MYO1H: variants seen among roughly 807,000 people sequenced by gnomAD.
The protein encoded by MYO1H is myosin IH, also known as unconventional myosin-Ih.
Under a neutral mutation model 149.3 loss-of-function variants are expected in MYO1H, and 118 were observed. The ratio of observed to expected loss-of-function variants is 0.79; its 90% CI spans 0.68 to 0.92. MYO1H has a LOEUF of 0.92. Among genes scored for constraint, MYO1H ranks in the 40% least tolerant of loss-of-function variants. The probability of loss-of-function intolerance (pLI) is 0.00; values close to 1 mark genes in which losing one functional copy is unlikely to be tolerated. For missense variants in MYO1H, 1,212 were observed against 1,280.7 expected, an observed-to-expected ratio of 0.95 and a Z score of 0.82; for synonymous variants, 447 against 465.2, an observed-to-expected ratio of 0.96 and a Z score of 0.50.
chr12:109,324,603 C>G, the MYO1H span, among the ~76,000 whole-genome samples: 10 of 152,062 alleles, frequency 6.6e-5, no homozygotes, highest in Admixed American at 4.6e-4. Flanking sequence ...GCTCAGGGAG[C>G]CAAGAGTGAA....
intron 1 of MYO1H, among the ~76,000 whole-genome samples, chr12:109,350,952 C>G (rs544338261): frequency 6.6e-6 from 1 of 151,998 alleles, no homozygotes; most frequent in Admixed American, 6.6e-5. Flanking sequence ...TATACAGTTA[C>G]ATGCCATTTT....
the MYO1H span, among the ~76,000 whole-genome samples, chr12:109,339,193 T>C: frequency 6.6e-6 from 1 of 152,090 alleles, no homozygotes; most frequent in African/African-American, 2.4e-5. Flanking sequence ...GGTGAAACAC[T>C]GTCTCTACTA....
chr12:109,326,409 C>G, the MYO1H span, among the ~76,000 whole-genome samples: 3 of 152,146 alleles, frequency 2.0e-5, no homozygotes, highest in Admixed American at 6.5e-5. Context: ...ATCCATGCTA[C>G]CCCACATTCT....
the MYO1H span, among the ~76,000 whole-genome samples, chr12:109,326,486 ATATTTTATTT>A: frequency 0.026 from 3,612 of 137,414 alleles, 87 homozygotes; most frequent in East Asian, 0.069. Context: ...CCTTTTTTTT[ATATTTTATTT>A]TATTTTATTT....
the MYO1H span, among the ~76,000 whole-genome samples, chr12:109,312,850 G>A: frequency 6.6e-6 from 1 of 151,368 alleles, no homozygotes; most frequent in Non-Finnish European, 1.5e-5. Flanking sequence ...TGGCACCCTG[G>A]GCTGTGTCTG....
intron 31 of MYO1H, chr12:109,446,011 G>T: frequency 1.0e-6 from 1 of 985,328 alleles, no homozygotes; most frequent in Non-Finnish European, 1.2e-6. Context: ...TTGGAGGTGC[G>T]GCTTAGGCTT....
intron 19 of MYO1H, among the ~76,000 whole-genome samples, chr12:109,427,899 A>T (rs1343886655): frequency 4.1e-4 from 21 of 51,406 alleles, no homozygotes; most frequent in African/African-American, 9.1e-4. Context: ...AAAAAAAAAA[A>T]AAAAAAAAAA....
chr12:109,440,038 T>C (rs891527286), intron 24 of MYO1H, among the ~76,000 whole-genome samples: 2 of 122,816 alleles, frequency 1.6e-5, no homozygotes, highest in African/African-American at 5.7e-5. Flanking sequence ...AACAGAGCAC[T>C]TTTTTTTTTT....
At position 109,442,288 on chromosome 12, in the gene MYO1H, T is replaced by C; in HGVS notation, c.2688+16T>C. ...GAAAATCCAGGTAAGGCGATGTGTG[T>C]CCTCAGTCTCAAACAGGATTCCCTC... is the stretch of plus-strand genomic sequence containing the variant. On this transcript the variant is annotated intron_variant, in intron 27 of 31. Transcript: ENST00000310903. The C allele has an allele frequency of 6.2e-7, 1 of 1,611,312 alleles. No homozygotes were observed.
At chr12:109,321,845 G>A in the MYO1H span, among the ~76,000 whole-genome samples, 1 of 152,190 alleles carries the variant, frequency 6.6e-6, no homozygotes, top group African/African-American at 2.4e-5. Flanking sequence ...ACTTTTGAGG[G>A]ACTGATGACT....
chr12:109,359,664 G>C (rs1399903251), intron 1 of MYO1H, among the ~76,000 whole-genome samples: 1 of 152,164 alleles, frequency 6.6e-6, no homozygotes, highest in African/African-American at 2.4e-5. Flanking sequence ...AGGAAATGGA[G>C]GGCTATATGT....
chr12:109,323,834 A>AT, the MYO1H span, among the ~76,000 whole-genome samples: 114 of 152,282 alleles, frequency 7.5e-4, 1 homozygote, highest in Non-Finnish European at 3.1e-4. Context: ...ATTTAGTGAC[A>AT]TAAAATCACC....
chr12:109,374,138 C>T (rs562683344), intron 1 of MYO1H, among the ~76,000 whole-genome samples: 16 of 152,278 alleles, frequency 1.1e-4, no homozygotes, highest in Admixed American at 4.6e-4. Context: ...GATTCACTTC[C>T]GCAGTTGTAC....
chr12:109,360,669 A>G (rs1868725176), intron 1 of MYO1H, among the ~76,000 whole-genome samples: 3 of 140,778 alleles, frequency 2.1e-5, no homozygotes, highest in East Asian at 2.3e-4. Flanking sequence ...AGTCAAAAAA[A>G]TCTATAGTCT....
the MYO1H span, among the ~76,000 whole-genome samples, chr12:109,312,205 TTTTTTTTG>T: frequency 1.1e-4 from 9 of 82,412 alleles, no homozygotes; most frequent in East Asian, 1.6e-3. Context: ...AGTTCAGTTT[TTTTTTTTG>T]TTTGTTTGTT....
intron 1 of MYO1H, among the ~76,000 whole-genome samples, chr12:109,383,903 G>T (rs920745696): frequency 2.0e-5 from 3 of 152,126 alleles, no homozygotes; most frequent in African/African-American, 4.8e-5. Context: ...CTGAGTACAT[G>T]ATACTTCCAA....
chr12:109,373,265 CTT>C (rs1475961844), intron 1 of MYO1H, among the ~76,000 whole-genome samples: 1 of 151,962 alleles, frequency 6.6e-6, no homozygotes, highest in African/African-American at 2.4e-5. Flanking sequence ...AAACTTACGT[CTT>C]TTTCTTGATT....
exon 3 of MYO1H, chr12:109,393,404 A>T (rs1445016762): frequency 1.3e-6 from 2 of 1,588,734 alleles, no homozygotes. Context: ...AGCCAGATGG[A>T]ACTTTATCAA....
chr12:109,428,488 C>T (rs1871473792), intron 19 of MYO1H, among the ~76,000 whole-genome samples: 1 of 152,176 alleles, frequency 6.6e-6, no homozygotes, highest in South Asian at 2.1e-4. Context: ...CTACTCTCAC[C>T]ATCCCCCAAA....
Sources: allele counts gnomAD v4.1 joint callset (sites outside exome capture counted in the v4.1 genomes callset), GRCh38; gene constraint gnomAD v4.1.1; transcripts MANE v1.5; gene names NCBI Gene and HGNC (gene_info 2026-07-23, HGNC 2026-07-21).